The following KDM4C variants were observed in gnomAD, a reference collection of about 807,000 sequenced individuals.
KDM4C encodes lysine demethylase 4C.
In KDM4C, 81 loss-of-function variants were observed where a neutral mutation model predicts 129.3. The observed-to-expected ratio is 0.63, with a 90% CI of 0.52 to 0.75. The LOEUF (loss-of-function observed/expected upper bound fraction) is 0.75. KDM4C is among the 30% of genes least tolerant of loss of function. KDM4C has a pLI of 0.00. For missense variants in KDM4C, 1,457 were observed against 1,304.0 expected (o/e 1.12, Z -1.81); for synonymous variants, 573 against 456.1 (o/e 1.26, Z -3.26).
intron 17 of KDM4C, among the ~76,000 whole-genome samples, chr9:7,060,564 CT>C (rs1831504752): frequency 6.6e-6 from 1 of 151,512 alleles, no homozygotes; most frequent in Non-Finnish European, 1.5e-5. Flanking sequence ...TCACTGCAAC[CT>C]CCGCGTCCCG....
rs139558130 is a variant in KDM4C at position 7,062,515 on chromosome 9, G to A, written c.2424+13315G>A. On this transcript the variant is annotated intron_variant, in intron 17 of 21. Coordinates refer to ENST00000381309, the MANE Select transcript of KDM4C (RefSeq NM_015061.6). The stretch of plus-strand genomic sequence containing the variant: ...TGATCTTCCCACTTCAGCCTTCTGA[G>A]TAGCTGGGAATACAGGTTTGCACTA... Among the ~76,000 whole-genome samples, 272 of 152,166 alleles carry A rather than the reference G, an allele frequency of 1.8e-3. 1 individual carries two copies. The highest frequency in any genetic ancestry group is 6.7e-3 in the Admixed American group (102 of 15,270).
At chr9:6,985,250 A>T (rs555795079) in intron 10 of KDM4C, among the ~76,000 whole-genome samples, 2 of 152,320 alleles carry the variant, frequency 1.3e-5, no homozygotes, top group East Asian at 3.9e-4. Flanking sequence ...AGGTCTTGTG[A>T]CTACCTTCTT....
intron 15 of KDM4C, among the ~76,000 whole-genome samples, chr9:7,043,815 A>G (rs1276150384): frequency 6.6e-6 from 1 of 152,020 alleles, no homozygotes; most frequent in African/African-American, 2.4e-5. Flanking sequence ...TCATGGCAAA[A>G]ATAACTTTGT....
At chr9:7,096,764 T>G (rs1251662657) in intron 17 of KDM4C, among the ~76,000 whole-genome samples, 1 of 152,152 alleles carries the variant, frequency 6.6e-6, no homozygotes, top group Non-Finnish European at 1.5e-5. Context: ...CTAAAGATCA[T>G]GCTGATTTTC....
rs189201200 is a variant in KDM4C at position 6,926,693 on chromosome 9, A to G, written c.921+33461A>G. Among the ~76,000 whole-genome samples, 60 of 152,316 alleles carry G rather than the reference A, an allele frequency of 3.9e-4. No individual in the cohort carries two copies. The East Asian group carries it at 6.9e-3, about 18-fold the overall frequency. On this transcript the variant is annotated intron_variant, in intron 8 of 21. Coordinates refer to ENST00000381309, the MANE Select transcript of KDM4C (RefSeq NM_015061.6). ...CCTCCAGGCACTGCTTATCACAGCTATGGTTTAGAGAAACGGACATTCAGA... is the reference window on the plus strand; with the variant it reads ...CCTCCAGGCACTGCTTATCACAGCTGTGGTTTAGAGAAACGGACATTCAGA...
intron 12 of KDM4C, among the ~76,000 whole-genome samples, chr9:6,997,312 A>G (rs543837068): frequency 1.3e-5 from 2 of 152,224 alleles, no homozygotes; most frequent in African/African-American, 4.8e-5. Flanking sequence ...CCCCTCAGAC[A>G]TGCGGAGCTG....
At chr9:6,748,285 A>G (rs1334256696) in intron 1 of KDM4C, among the ~76,000 whole-genome samples, 1 of 152,152 alleles carries the variant, frequency 6.6e-6, no homozygotes, top group Non-Finnish European at 1.5e-5. Flanking sequence ...AGGCAGGTGG[A>G]TCACCTGAGG....
At chr9:7,109,125 G>A (rs1341096009) in intron 18 of KDM4C, among the ~76,000 whole-genome samples, 1 of 152,146 alleles carries the variant, frequency 6.6e-6, no homozygotes, top group Non-Finnish European at 1.5e-5. Context: ...TTCCCCCTGG[G>A]TCCTGTTTCC....
chr9:7,077,022 C>G (rs750780093), intron 17 of KDM4C: 1 of 985,508 alleles, frequency 1.0e-6, no homozygotes, highest in Non-Finnish European at 1.2e-6. Context: ...ATCCTTCCTT[C>G]TTGCTGCACA....
At chr9:6,863,296 G>T (rs1563716532) in intron 5 of KDM4C, among the ~76,000 whole-genome samples, 1 of 152,102 alleles carries the variant, frequency 6.6e-6, no homozygotes, top group Non-Finnish European at 1.5e-5. Flanking sequence ...CTGGAGTTAT[G>T]TGTGGATTCC....
chr9:6,911,121 A>T (rs1819219841), intron 8 of KDM4C, among the ~76,000 whole-genome samples: 1 of 152,230 alleles, frequency 6.6e-6, no homozygotes, highest in Non-Finnish European at 1.5e-5. Flanking sequence ...TGAAAAAAAT[A>T]ACAGATTATT....
intron 19 of KDM4C, among the ~76,000 whole-genome samples, chr9:7,156,289 C>T (rs529839025): frequency 1.7e-4 from 26 of 152,280 alleles, no homozygotes; most frequent in African/African-American, 6.3e-4. Flanking sequence ...AAAATTTTCT[C>T]CCATTCTGTA....
At chr9:7,002,605 T>C (rs1820930166) in intron 12 of KDM4C, among the ~76,000 whole-genome samples, 1 of 152,240 alleles carries the variant, frequency 6.6e-6, no homozygotes. Flanking sequence ...TTCCCAAGGA[T>C]ATGCCAGCTT....
intron 19 of KDM4C, among the ~76,000 whole-genome samples, chr9:7,143,249 A>C (rs939898641): frequency 6.6e-6 from 1 of 152,344 alleles, no homozygotes; most frequent in Non-Finnish European, 1.5e-5. Flanking sequence ...GTTTCAAGGA[A>C]AGTAACTGAG....
Position 7,034,891 on chromosome 9 carries a change from C to T in KDM4C, c.2260-11971C>T, listed in dbSNP as rs531866699. ...TTCTCACTGGGGTGAAAGGATAACTCATTGTAGTTTTGATTTACATTTCCC... is the reference window on the plus strand; with the variant it reads ...TTCTCACTGGGGTGAAAGGATAACTTATTGTAGTTTTGATTTACATTTCCC... On this transcript the variant is annotated intron_variant, in intron 15 of 21. Coordinates refer to ENST00000381309, the MANE Select transcript of KDM4C (RefSeq NM_015061.6). Among the ~76,000 whole-genome samples the T allele has an allele frequency of 2.0e-5, 3 of 152,284 alleles. No individual in the cohort carries two copies. The East Asian group carries it at 5.8e-4, about 29-fold the overall frequency.
At chr9:6,808,499 G>A (rs1830542883) in intron 3 of KDM4C, among the ~76,000 whole-genome samples, 1 of 143,522 alleles carries the variant, frequency 7.0e-6, no homozygotes, top group African/African-American at 2.7e-5. Context: ...AAGGCAGCAT[G>A]CTCGTTAAGA....
chr9:6,952,946 T>A (rs1049173816), intron 8 of KDM4C, among the ~76,000 whole-genome samples: 23 of 152,348 alleles, frequency 1.5e-4, no homozygotes, highest in Admixed American at 3.9e-4. Flanking sequence ...TTTTTAAAGA[T>A]TTTACTTCTT....
intron 2 of KDM4C, among the ~76,000 whole-genome samples, chr9:6,803,720 C>T (rs1001252307): frequency 1.4e-5 from 2 of 139,888 alleles, no homozygotes; most frequent in African/African-American, 5.3e-5. Flanking sequence ...CCAGCCTGGG[C>T]AACATGGCGA....
chr9:6,944,122 G>T (rs1309846849), intron 8 of KDM4C, among the ~76,000 whole-genome samples: 1 of 152,148 alleles, frequency 6.6e-6, no homozygotes, highest in African/African-American at 2.4e-5. Context: ...TTATGTGTTG[G>T]GTTAGGAAAT....
Sources: allele counts gnomAD v4.1 joint callset (sites outside exome capture counted in the v4.1 genomes callset), GRCh38; gene constraint gnomAD v4.1.1; transcripts MANE v1.5; gene names NCBI Gene and HGNC (gene_info 2026-07-23, HGNC 2026-07-21).